CEP128: variants seen among roughly 807,000 people sequenced by gnomAD.
CEP128 encodes the protein centrosomal protein 128kDa.
A neutral mutation model predicts 156.7 loss-of-function variants in CEP128; 132 were observed. The ratio of observed to expected loss-of-function variants is 0.84; its 90% CI spans 0.73 to 0.97. The LOEUF is 0.97. CEP128 is among the 50% of genes least tolerant of loss of function. CEP128 has a pLI of 0.00. For synonymous variants in CEP128, 469 were observed against 448.9 expected, an observed-to-expected ratio of 1.04 and a Z score of -0.57; for missense variants, 1,252 against 1,281.9, an observed-to-expected ratio of 0.98 and a Z score of 0.36.
chr14:80,486,526 A>G (rs564571654), downstream of CEP128, among the ~76,000 whole-genome samples: 2 of 151,910 alleles, frequency 1.3e-5, no homozygotes, highest in African/African-American at 4.8e-5. Context: ...GAACGCCCCA[A>G]AGATACTTCT....
chr14:80,534,596 C>T (rs1231690406), intron 21 of CEP128, among the ~76,000 whole-genome samples: 8 of 152,200 alleles, frequency 5.3e-5, no homozygotes, highest in East Asian at 3.9e-4. Flanking sequence ...GAGTCCGAGG[C>T]GGGTGGATCA....
At chr14:80,652,952 A>G (rs1050553899) in intron 19 of CEP128, among the ~76,000 whole-genome samples, 1 of 152,214 alleles carries the variant, frequency 6.6e-6, no homozygotes, top group Non-Finnish European at 1.5e-5. Context: ...ATGCCCATTA[A>G]TGATAGACTG....
At chr14:80,558,414 G>A (rs956607585) in intron 21 of CEP128, among the ~76,000 whole-genome samples, 6 of 151,840 alleles carry the variant, frequency 4.0e-5, no homozygotes, top group East Asian at 3.9e-4. Flanking sequence ...TCAGCCTCCC[G>A]AGTAGCTGAG....
At chr14:80,646,107 T>C (rs1894619829) in intron 19 of CEP128, among the ~76,000 whole-genome samples, 1 of 152,158 alleles carries the variant, frequency 6.6e-6, no homozygotes, top group South Asian at 2.1e-4. Context: ...AACTATTCTG[T>C]AGAATATTAC....
At chr14:80,684,711 A>G (rs1163112357) in intron 19 of CEP128, among the ~76,000 whole-genome samples, 1 of 151,980 alleles carries the variant, frequency 6.6e-6, no homozygotes, top group Non-Finnish European at 1.5e-5. Context: ...AAAAAAAAAA[A>G]AGCAAACTGA....
downstream of CEP128, among the ~76,000 whole-genome samples, chr14:80,486,036 C>T (rs977581821): frequency 6.6e-5 from 10 of 152,194 alleles, no homozygotes; most frequent in African/African-American, 2.2e-4. Context: ...AAGAGCTGTA[C>T]ATTTTAGTAC....
At chr14:80,754,079 C>T (rs541913398) in intron 18 of CEP128, among the ~76,000 whole-genome samples, 1 of 152,306 alleles carries the variant, frequency 6.6e-6, no homozygotes, top group East Asian at 1.9e-4. Context: ...TTCTCCTGTT[C>T]AAAACTCCTT....
intron 19 of CEP128, among the ~76,000 whole-genome samples, chr14:80,663,130 C>T (rs1391509652): frequency 6.6e-6 from 1 of 152,178 alleles, no homozygotes; most frequent in Non-Finnish European, 1.5e-5. Context: ...GCAGTCTTCA[C>T]TACAGGCCCC....
chr14:80,542,275 T>G (rs1173716087), intron 21 of CEP128, among the ~76,000 whole-genome samples: 3 of 152,254 alleles, frequency 2.0e-5, no homozygotes, highest in Non-Finnish European at 2.9e-5. Context: ...TGCTGAGTAC[T>G]TGGTATCACA....
chr14:80,691,762 T>G (rs1250474002), intron 19 of CEP128, among the ~76,000 whole-genome samples: 1 of 152,132 alleles, frequency 6.6e-6, no homozygotes. Context: ...TACAAGAAGC[T>G]TAAAAATTAG....
At chr14:80,638,393 T>C (rs1894276580) in intron 19 of CEP128, among the ~76,000 whole-genome samples, 1 of 152,180 alleles carries the variant, frequency 6.6e-6, no homozygotes, top group African/African-American at 2.4e-5. Flanking sequence ...AATGCTGTGT[T>C]TAATTTTTCC....
At chr14:80,880,639 G>A (rs552497406) in intron 8 of CEP128, among the ~76,000 whole-genome samples, 27 of 151,374 alleles carry the variant, frequency 1.8e-4, no homozygotes, top group African/African-American at 5.3e-4. Flanking sequence ...GGCGGATCAC[G>A]AGGTCAGGAG....
Position 80,840,555 on chromosome 14 carries a change from C to T in CEP128, c.849+127G>A, listed in dbSNP as rs528329724. 3 of 578,898 alleles carry T rather than the reference C, an allele frequency of 5.2e-6. No homozygotes were observed. The African/African-American group carries it at 5.7e-5, about 11-fold the overall frequency. The allele number at this position is 578,898 out of a possible 1,614,324, so 35.9% of individuals were successfully genotyped here. A position where few individuals can be genotyped will look rare whatever the true frequency, so the allele number is the denominator to read the frequency against. On this transcript the variant is annotated intron_variant, in intron 10 of 24. Coordinates refer to ENST00000555265, the MANE Select transcript of CEP128 (RefSeq NM_152446.5). The stretch of plus-strand genomic sequence containing the variant: ...GTAGAAGAGCCGTTGAACCAATTGA[C>T]TCCACATAGAAAGATAAAGAACTCA...
At chr14:80,679,515 AG>A (rs1450444570) in intron 19 of CEP128, among the ~76,000 whole-genome samples, 1 of 152,140 alleles carries the variant, frequency 6.6e-6, no homozygotes, top group East Asian at 1.9e-4. Flanking sequence ...CAGGCTTACT[AG>A]GGTGGGGAAA....
chr14:80,838,077 T>C (rs987506923), intron 11 of CEP128, 127 bp downstream of exon 11: 24 of 643,742 alleles, frequency 3.7e-5, no homozygotes, highest in East Asian at 3.3e-4. Context: ...TGTGCTAATA[T>C]ACATTCCTTA....
intron 23 of CEP128, among the ~76,000 whole-genome samples, chr14:80,512,743 GT>G (rs1007456904): frequency 7.9e-5 from 12 of 151,676 alleles, no homozygotes; most frequent in Non-Finnish European, 1.6e-4. Flanking sequence ...TCCATTGTAG[GT>G]TTTTTGATTT....
intron 9 of CEP128, among the ~76,000 whole-genome samples, chr14:80,852,310 A>G (rs1400180385): frequency 6.6e-6 from 1 of 151,964 alleles, no homozygotes; most frequent in African/African-American, 2.4e-5. Context: ...ACATTCCTAA[A>G]TAAGTTTTGA....
At chr14:80,567,056 C>T (rs1890945741) in intron 20 of CEP128, among the ~76,000 whole-genome samples, 2 of 152,092 alleles carry the variant, frequency 1.3e-5, no homozygotes, top group Non-Finnish European at 2.9e-5. Flanking sequence ...GAAGCAGAAA[C>T]AATCACAGGA....
intron 9 of CEP128, among the ~76,000 whole-genome samples, chr14:80,858,774 C>T (rs1377755964): frequency 6.6e-6 from 1 of 152,076 alleles, no homozygotes; most frequent in South Asian, 2.1e-4. Flanking sequence ...GACATTTATG[C>T]AGCCAAAAAA....
Sources: allele counts gnomAD v4.1 joint callset (sites outside exome capture counted in the v4.1 genomes callset), GRCh38; gene constraint gnomAD v4.1.1; transcripts MANE v1.5; gene names NCBI Gene and HGNC (gene_info 2026-07-23, HGNC 2026-07-21).